MATN2: variants seen among roughly 807,000 people sequenced by gnomAD.
The protein encoded by MATN2 is matrilin-2.
MATN2 carries 69 observed loss-of-function variants against 103.2 expected under a neutral mutation model. The ratio of observed to expected loss-of-function variants is 0.67; its 90% CI spans 0.55 to 0.82. The LOEUF (loss-of-function observed/expected upper bound fraction) is 0.82, where lower values mean the gene tolerates loss of function less well. MATN2 is among the 40% of genes least tolerant of loss of function. The probability of loss-of-function intolerance (pLI) is 0.00; values close to 1 mark genes in which losing one functional copy is unlikely to be tolerated. For synonymous variants in MATN2, 429 were observed against 450.2 expected (o/e 0.95, Z 0.60); for missense variants, 1,023 against 1,211.5 (o/e 0.84, Z 2.31).
At chr8:97,928,043 G>C (rs1810049530) in intron 2 of MATN2, among the ~76,000 whole-genome samples, 1 of 152,110 alleles carries the variant, frequency 6.6e-6, no homozygotes, top group African/African-American at 2.4e-5. Context: ...CCTGCAGTAA[G>C]TTCAGACATG....
intron 5 of MATN2, among the ~76,000 whole-genome samples, chr8:97,963,264 G>C (rs751623103): frequency 3.3e-5 from 5 of 152,216 alleles, no homozygotes; most frequent in Non-Finnish European, 5.9e-5. Flanking sequence ...TCTGAGTGCT[G>C]TTTGGTCAGG....
At chr8:98,009,411 G>C (rs1813083244) in intron 10 of MATN2, among the ~76,000 whole-genome samples, 1 of 152,190 alleles carries the variant, frequency 6.6e-6, no homozygotes, top group Admixed American at 6.5e-5. Flanking sequence ...GCCTTTTGGG[G>C]GGCAGTCAGG....
chr8:98,032,156 G>T lies in MATN2; in HGVS notation c.2510-90G>T, dbSNP rs553081803. The T allele has an allele frequency of 7.1e-4, 705 of 987,596 alleles. 1 individual carries two copies. Among genetic ancestry groups the T allele is most frequent in the Admixed American group, 2.9e-3 (121 of 41,598 alleles). 61.2% of individuals were successfully genotyped at this position (987,596 alleles called of 1,614,324 possible). ...AAAAACCTTAGGTTATGGCAGGTAG[G>T]TAAGGAGGTGGTCTGGGACCAGCTT... On this transcript the variant is annotated intron_variant, in intron 15 of 18. Transcript: ENST00000254898.
At position 98,030,050 on chromosome 8, in the gene MATN2, G is replaced by A. The variant is rs1018003190; in HGVS notation, c.2357-412G>A. ...TCAGGTCACTTACGTTTCCTACCCT[G>A]TAGCTTTGAGTAGAAACTAGGTTAT... On this transcript the variant is annotated intron_variant, in intron 14 of 18. Transcript: ENST00000254898. Among the ~76,000 whole-genome samples, 12 of 152,308 alleles carry A rather than the reference G, an allele frequency of 7.9e-5. No individual in the cohort carries two copies. The East Asian group carries it at 2.3e-3, about 29-fold the overall frequency.
chr8:97,886,478 C>A (rs1818431580), intron 1 of MATN2, among the ~76,000 whole-genome samples: 2 of 152,178 alleles, frequency 1.3e-5, no homozygotes, highest in African/African-American at 4.8e-5. Context: ...CTCTGAGATA[C>A]TCTATAAATT....
At chr8:97,907,890 C>A (rs1244590986) in intron 2 of MATN2, among the ~76,000 whole-genome samples, 1 of 152,088 alleles carries the variant, frequency 6.6e-6, no homozygotes, top group Non-Finnish European at 1.5e-5. Context: ...ATAATCCCAG[C>A]ACTTTGGGAG....
At chr8:97,990,738 G>T (rs1812365004) in intron 6 of MATN2, among the ~76,000 whole-genome samples, 1 of 152,112 alleles carries the variant, frequency 6.6e-6, no homozygotes, top group Admixed American at 6.5e-5. Flanking sequence ...CATACTATAT[G>T]ATTACATTTA....
intron 6 of MATN2, among the ~76,000 whole-genome samples, chr8:97,983,124 G>A (rs920184840): frequency 2.6e-5 from 4 of 152,146 alleles, no homozygotes; most frequent in Non-Finnish European, 5.9e-5. Flanking sequence ...ATGTAAGTGG[G>A]ATTATATGGT....
Position 97,941,887 on chromosome 8 carries a change from A to G in MATN2, c.823A>G (p.Thr275Ala), listed in dbSNP as rs1810581031. ...KQGYILNSDQ[T>A]TCRIQDLCAM... ...AGGCTACATTCTCAACTCGGATCAGACGACTTGCAGAAGTAAGATTGCTTT... is the reference window on the plus strand; with the variant it reads ...AGGCTACATTCTCAACTCGGATCAGGCGACTTGCAGAAGTAAGATTGCTTT... Residue 275 changes from threonine (T) to alanine (A), a missense_variant, in exon 4 of 19, where the codon ACG becomes GCG. By Grantham distance (58) the Thr-to-Ala change is moderately conservative. Coordinates refer to ENST00000254898, the MANE Select transcript of MATN2 (RefSeq NM_002380.5). 1 of 1,613,060 alleles carries G rather than the reference A, an allele frequency of 6.2e-7. No individual in the cohort carries two copies. Among genetic ancestry groups the G allele is most frequent in the African/African-American group, 1.3e-5 (1 of 74,902 alleles).
chr8:98,002,148 G>A lies in MATN2; in HGVS notation c.1205-1513G>A, dbSNP rs2130375841. ...CTATCTTCCCTGGAGCCTGCTATGT[G>A]TGGGGTCTTATGGCTTTAGCATTTT... is the stretch of plus-strand genomic sequence containing the variant. On this transcript the variant is annotated intron_variant, in intron 7 of 18. Coordinates refer to ENST00000254898, the MANE Select transcript of MATN2 (RefSeq NM_002380.5). 5.3e-5 allele frequency among the ~76,000 whole-genome samples: 8 copies of A among 152,282 alleles called. No individual in the cohort carries two copies. In the South Asian group the frequency reaches 1.7e-3, roughly 32 times the overall value.
chr8:98,010,247 G>C (rs866023559), intron 10 of MATN2, among the ~76,000 whole-genome samples: 16 of 152,028 alleles, frequency 1.1e-4, no homozygotes, highest in African/African-American at 3.4e-4. Flanking sequence ...CCACCTGATA[G>C]GCTCTCCTCT....
chr8:97,945,162 A>G (rs987088136), intron 4 of MATN2, among the ~76,000 whole-genome samples: 8 of 152,126 alleles, frequency 5.3e-5, no homozygotes, highest in African/African-American at 1.9e-4. Flanking sequence ...AGTGACTGCA[A>G]TCCACGTCCA....
In MATN2 at chr8:97,886,028, C is replaced by T. The variant is rs186767091; in HGVS notation, c.-26-2047C>T. On this transcript the variant is annotated intron_variant, in intron 1 of 18. Transcript: ENST00000254898. The stretch of plus-strand genomic sequence containing the variant: ...CTGCCTCCTGTCAGATCACCAGCAC[C>T]GTTAGATCCATTAGATTCTTTTTTT... 4.6e-5 allele frequency among the ~76,000 whole-genome samples: 7 copies of T among 152,228 alleles called. No individual in the cohort carries two copies. In the East Asian group the frequency reaches 7.7e-4, roughly 17 times the overall value.
chr8:97,954,926 G>A (rs1458485389), intron 4 of MATN2, among the ~76,000 whole-genome samples: 3 of 152,230 alleles, frequency 2.0e-5, no homozygotes, highest in South Asian at 2.1e-4. Context: ...CTAGTGGCAG[G>A]TCAGAGCTTC....
chr8:97,885,828 G>A (rs1381633349), intron 1 of MATN2, among the ~76,000 whole-genome samples: 1 of 152,172 alleles, frequency 6.6e-6, no homozygotes, highest in Non-Finnish European at 1.5e-5. Flanking sequence ...TTTAAAAAGG[G>A]GGGTGAGGAG....
intron 15 of MATN2, among the ~76,000 whole-genome samples, chr8:98,031,155 A>T (rs1814003649): frequency 6.6e-6 from 1 of 152,074 alleles, no homozygotes; most frequent in Non-Finnish European, 1.5e-5. Context: ...TAGGCAACAA[A>T]GTGAAACCCT....
intron 6 of MATN2, among the ~76,000 whole-genome samples, chr8:97,990,400 C>G (rs2130345071): frequency 6.6e-6 from 1 of 152,276 alleles, no homozygotes; most frequent in South Asian, 2.1e-4. Context: ...TACGGAGCAA[C>G]TGGAACTCTC....
intron 5 of MATN2, among the ~76,000 whole-genome samples, chr8:97,971,395 C>T (rs563157190): frequency 6.6e-6 from 1 of 152,284 alleles, no homozygotes; most frequent in African/African-American, 2.4e-5. Context: ...GATTTCCACA[C>T]ATTTGAGTAA....
intron 7 of MATN2, among the ~76,000 whole-genome samples, chr8:98,003,038 C>T (rs1489506374): frequency 1.3e-5 from 2 of 152,126 alleles, no homozygotes; most frequent in Non-Finnish European, 1.5e-5. Flanking sequence ...CTCCTCACAG[C>T]TCCCCAGGCA....
Sources: allele counts gnomAD v4.1 joint callset (sites outside exome capture counted in the v4.1 genomes callset), GRCh38; gene constraint gnomAD v4.1.1; transcripts MANE v1.5; gene names NCBI Gene and HGNC (gene_info 2026-07-23, HGNC 2026-07-21).